Variants in CFAP299 observed in about 807,000 individuals in gnomAD.
CFAP299 encodes cilia and flagella associated protein 299, also known as cilia- and flagella-associated protein 299.
CFAP299 carries 21 observed loss-of-function variants against 27.0 expected under a neutral mutation model. The observed-to-expected ratio is 0.78, with a 90% CI of 0.55 to 1.12. The LOEUF (loss-of-function observed/expected upper bound fraction) is 1.12, where lower values mean the gene tolerates loss of function less well. Among genes scored for constraint, CFAP299 ranks in the 50% most tolerant of loss-of-function variants. CFAP299 has a pLI of 0.00. For missense variants in CFAP299, 310 were observed against 276.6 expected (o/e 1.12, Z -0.86); for synonymous variants, 104 against 98.1 (o/e 1.06, Z -0.36).
chr4:80,820,161 A>G (rs1270615513), intron 3 of CFAP299, among the ~76,000 whole-genome samples: 1 of 152,212 alleles, frequency 6.6e-6, no homozygotes, highest in East Asian at 1.9e-4. Context: ...AAGTATTTCA[A>G]CATCCTATAG....
chr4:80,504,602 G>A (rs1368424990), intron 2 of CFAP299, among the ~76,000 whole-genome samples: 1 of 145,274 alleles, frequency 6.9e-6, no homozygotes, highest in Non-Finnish European at 1.5e-5. Flanking sequence ...TACTGGAGAG[G>A]CAACACGTTA....
chr4:80,798,768 C>G (rs748014778), intron 3 of CFAP299, among the ~76,000 whole-genome samples: 21 of 151,960 alleles, frequency 1.4e-4, no homozygotes, highest in Non-Finnish European at 2.6e-4. Flanking sequence ...TATTATATTC[C>G]TTGATTCTTC....
intron 3 of CFAP299, among the ~76,000 whole-genome samples, chr4:80,592,020 G>C (rs1234437249): frequency 1.3e-5 from 2 of 152,332 alleles, no homozygotes; most frequent in South Asian, 2.1e-4. Context: ...TTCACACTCT[G>C]TGTGCAACTA....
chr4:80,690,431 T>A (rs1720586502), intron 3 of CFAP299, among the ~76,000 whole-genome samples: 1 of 152,220 alleles, frequency 6.6e-6, no homozygotes, highest in African/African-American at 2.4e-5. Flanking sequence ...AACAACCTGC[T>A]CCTGAGTGAC....
chr4:80,693,575 T>C (rs1428358147), intron 3 of CFAP299, among the ~76,000 whole-genome samples: 4 of 147,744 alleles, frequency 2.7e-5, no homozygotes, highest in South Asian at 2.2e-4. Context: ...AGGGATAGCA[T>C]TGGGAGATAT....
chr4:80,420,007 G>T (rs1727216921), intron 2 of CFAP299, among the ~76,000 whole-genome samples: 1 of 151,972 alleles, frequency 6.6e-6, no homozygotes, highest in Non-Finnish European at 1.5e-5. Flanking sequence ...CTCCCCATGG[G>T]GTTCAGAAGC....
At chr4:80,516,678 G>A (rs1261443937) in intron 2 of CFAP299, among the ~76,000 whole-genome samples, 1 of 152,084 alleles carries the variant, frequency 6.6e-6, no homozygotes, top group African/African-American at 2.4e-5. Context: ...TGCAGCATTA[G>A]GGATCACATT....
chr4:80,818,320 T>G (rs1729528196), intron 3 of CFAP299, among the ~76,000 whole-genome samples: 2 of 152,208 alleles, frequency 1.3e-5, no homozygotes, highest in South Asian at 4.1e-4. Flanking sequence ...ATTATTTTGT[T>G]TAAATTTTGT....
At chr4:80,900,721 A>G (rs1235339136) in intron 4 of CFAP299, among the ~76,000 whole-genome samples, 1 of 152,006 alleles carries the variant, frequency 6.6e-6, no homozygotes, top group Non-Finnish European at 1.5e-5. Context: ...AAGAAAATAC[A>G]ATTTAGTAGG....
intron 2 of CFAP299, among the ~76,000 whole-genome samples, chr4:80,408,222 A>G (rs1019573300): frequency 2.6e-5 from 4 of 152,236 alleles, no homozygotes; most frequent in Admixed American, 6.5e-5. Flanking sequence ...TAGCTAAACC[A>G]ATTTCCCCAC....
At position 80,604,594 on chromosome 4, in the gene CFAP299, A is replaced by G. The variant is rs139279757; in HGVS notation, c.333+21411A>G. Reference sequence around the variant, plus strand: ...GAATGGTGCCTGGATATTGGCAGTGAATACATGAGGTGCCTCGGCAGGTGG... The same window carrying G: ...GAATGGTGCCTGGATATTGGCAGTGGATACATGAGGTGCCTCGGCAGGTGG... On this transcript the variant is annotated intron_variant, in intron 3 of 5. Transcript: ENST00000358105. 3.0e-3 allele frequency among the ~76,000 whole-genome samples: 458 copies of G among 152,286 alleles called. 4 individuals carry two copies. Among genetic ancestry groups the G allele is most frequent in the African/African-American group, 0.011 (441 of 41,568 alleles).
chr4:80,677,567 G>A (rs1399204843), intron 3 of CFAP299, among the ~76,000 whole-genome samples: 1 of 151,790 alleles, frequency 6.6e-6, no homozygotes, highest in African/African-American at 2.4e-5. Context: ...TCCCCAGTTT[G>A]TTCTCCTCCT....
intron 3 of CFAP299, among the ~76,000 whole-genome samples, chr4:80,672,298 G>A (rs1741531206): frequency 6.6e-6 from 1 of 152,166 alleles, no homozygotes; most frequent in African/African-American, 2.4e-5. Flanking sequence ...TTATGTGATG[G>A]ATTAAGTTTA....
chr4:80,771,975 G>A (rs552329939), intron 3 of CFAP299, among the ~76,000 whole-genome samples: 1 of 152,094 alleles, frequency 6.6e-6, no homozygotes, highest in Non-Finnish European at 1.5e-5. Context: ...AGGAAAAATG[G>A]ACATCAAAGG....
intron 3 of CFAP299, among the ~76,000 whole-genome samples, chr4:80,791,648 G>A (rs927849501): frequency 5.3e-5 from 8 of 152,042 alleles, no homozygotes; most frequent in African/African-American, 1.7e-4. Context: ...GCTTTAACAT[G>A]CCTTTGCAAA....
At chr4:80,396,962 C>A (rs1395930815) in intron 2 of CFAP299, among the ~76,000 whole-genome samples, 1 of 152,146 alleles carries the variant, frequency 6.6e-6, no homozygotes, top group Non-Finnish European at 1.5e-5. Flanking sequence ...ATGATACCAG[C>A]TCCTCCTTGT....
intron 3 of CFAP299, among the ~76,000 whole-genome samples, chr4:80,819,037 T>G (rs1729564418): frequency 6.6e-6 from 1 of 152,088 alleles, no homozygotes; most frequent in South Asian, 2.1e-4. Context: ...TAACGAGAAC[T>G]GGAGAGATGT....
intron 2 of CFAP299, among the ~76,000 whole-genome samples, chr4:80,406,176 C>T (rs1053596979): frequency 2.6e-5 from 4 of 152,162 alleles, no homozygotes; most frequent in East Asian, 1.9e-4. Context: ...TTTAATAAAC[C>T]TTGTACATTT....
intron 2 of CFAP299, among the ~76,000 whole-genome samples, chr4:80,471,009 T>C (rs185235606): frequency 5.4e-4 from 82 of 152,306 alleles, no homozygotes; most frequent in African/African-American, 1.9e-3. Context: ...TACTAAATGC[T>C]TTTGTGTATT....
Sources: allele counts gnomAD v4.1 joint callset (sites outside exome capture counted in the v4.1 genomes callset), GRCh38; gene constraint gnomAD v4.1.1; transcripts MANE v1.5; gene names NCBI Gene and HGNC (gene_info 2026-07-23, HGNC 2026-07-21).